PPP2CA: variants seen among roughly 807,000 people sequenced by gnomAD.
The protein encoded by PPP2CA is serine/threonine-protein phosphatase 2A catalytic subunit alpha isoform.
PPP2CA carries 5 observed loss-of-function variants against 38.8 expected under a neutral mutation model. That is an observed-to-expected ratio of 0.13 (90% confidence interval 0.07 to 0.27). PPP2CA has a LOEUF of 0.27. Ranked by LOEUF, PPP2CA falls within the 10% of genes least tolerant of loss-of-function variation. The probability of loss-of-function intolerance (pLI) is 1.00; values close to 1 mark genes in which losing one functional copy is unlikely to be tolerated. For missense variants in PPP2CA, 88 were observed against 389.7 expected (o/e 0.23, Z 6.52); for synonymous variants, 152 against 134.0 (o/e 1.13, Z -0.93).
rs923082223 is a variant in PPP2CA, at chr5:134,206,086, A to G, written c.148T>C (p.Cys50Arg). ...TKESNVQEVR[C>R]PVTVCGDVHG... ...ACATCTCCACAGACAGTAACTGGACATCGAACCTCTTGCACGTTGGATTCT... is the reference window on the plus strand; with the variant it reads ...ACATCTCCACAGACAGTAACTGGACGTCGAACCTCTTGCACGTTGGATTCT... The change falls in exon 2 of 7, where the codon TGT (cysteine) becomes CGT (arginine). Residue 50 changes from cysteine (C) to arginine (R), a missense_variant. Coordinates refer to ENST00000481195, the MANE Select transcript of PPP2CA (RefSeq NM_002715.4). 2 of 1,614,084 alleles carry G rather than the reference A, an allele frequency of 1.2e-6. No homozygotes were observed. Among genetic ancestry groups the G allele is most frequent in the Non-Finnish European group, 1.7e-6 (2 of 1,180,034 alleles).
chr5:134,206,122 T>C lies in PPP2CA; in HGVS notation c.112A>G (p.Ile38Val). The C allele has an allele frequency of 6.2e-7, 1 of 1,613,810 alleles. No homozygotes were observed. The highest frequency in any genetic ancestry group is 8.5e-7 in the Non-Finnish European group (1 of 1,179,694). ...VKSLCEKAKEILTKESNVQEV... is the reference protein window; with the variant it reads ...VKSLCEKAKEVLTKESNVQEV... ...TGCACGTTGGATTCTTTTGTCAGGATTTCTTTAGCCTACAGATGGGAGACA... is the reference window on the plus strand; with the variant it reads ...TGCACGTTGGATTCTTTTGTCAGGACTTCTTTAGCCTACAGATGGGAGACA... The change falls in exon 2 of 7, where the codon ATC (isoleucine) becomes GTC (valine). Residue 38 changes from isoleucine (I) to valine (V), a missense_variant. By Grantham distance (29) the Ile-to-Val change is conservative. This residue lies in a region of PPP2CA where 34 missense variants were observed against 57.1 expected (regional missense o/e 0.60). Coordinates refer to ENST00000481195, the MANE Select transcript of PPP2CA (RefSeq NM_002715.4).
In PPP2CA at chr5:134,196,425, G is replaced by T. The variant is rs574820619; in HGVS notation, c.*1347C>A. ...AAAGGGGAAAAACTCATTAAATGTT[G>T]AACACTGCCACTTTAAGTACCATTT... On this transcript the variant is annotated 3_prime_UTR_variant, in exon 7 of 7. Coordinates refer to ENST00000481195, the MANE Select transcript of PPP2CA (RefSeq NM_002715.4). 6.6e-6 allele frequency: 1 copy of T among 152,132 alleles called. No homozygotes were observed. The highest frequency in any genetic ancestry group is 2.1e-4 in the South Asian group (1 of 4,832). 9.4% of individuals were successfully genotyped at this position (152,132 alleles called of 1,614,324 possible).
chr5:134,213,746 G>A (rs973923171), intron 1 of PPP2CA, among the ~76,000 whole-genome samples: 2 of 149,592 alleles, frequency 1.3e-5, no homozygotes, highest in Non-Finnish European at 3.0e-5. Context: ...TGATGTCACT[G>A]TACTTCAGCC....
chr5:134,225,657 G>A (rs1044039682), intron 1 of PPP2CA, 103 bp downstream of exon 1: 44 of 1,029,404 alleles, frequency 4.3e-5, no homozygotes, highest in African/African-American at 5.0e-5. Context: ...GACTCGGGGG[G>A]CCCGGACCGG....
chr5:134,197,571 T>C lies in PPP2CA; in HGVS notation c.*201A>G, dbSNP rs1580634534. 3 of 537,198 alleles carry C rather than the reference T, an allele frequency of 5.6e-6. No individual in the cohort carries two copies. Among genetic ancestry groups the C allele is most frequent in the African/African-American group, 3.7e-5 (2 of 53,392 alleles). The allele number at this position is 537,198 out of a possible 1,614,324, so 33.3% of individuals were successfully genotyped here. A position where few individuals can be genotyped will look rare whatever the true frequency, so the allele number is the denominator to read the frequency against. The stretch of plus-strand genomic sequence containing the variant: ...CCAACAATGTCGCTTCAGCATGCAA[T>C]GAACTGGTTCATTCTAAAGTGGTCA... On this transcript the variant is annotated 3_prime_UTR_variant, in exon 7 of 7. Transcript: ENST00000481195.
chr5:134,205,057 T>A (rs1471704508), intron 2 of PPP2CA, among the ~76,000 whole-genome samples: 1 of 151,642 alleles, frequency 6.6e-6, no homozygotes, highest in African/African-American at 2.4e-5. Flanking sequence ...CACCTCAGCC[T>A]GAGTAGCTGG....
chr5:134,218,435 G>A (rs955931132), intron 1 of PPP2CA, among the ~76,000 whole-genome samples: 1 of 152,144 alleles, frequency 6.6e-6, no homozygotes, highest in African/African-American at 2.4e-5. Flanking sequence ...ATGCACAATA[G>A]ACTAAACTCA....
chr5:134,209,250 A>G (rs1481932921), intron 1 of PPP2CA, among the ~76,000 whole-genome samples: 1 of 146,886 alleles, frequency 6.8e-6, no homozygotes, highest in African/African-American at 2.5e-5. Context: ...GGTATACAGT[A>G]GAAGCAACCA....
intron 1 of PPP2CA, among the ~76,000 whole-genome samples, chr5:134,216,264 C>T (rs550175015): frequency 2.6e-5 from 4 of 152,034 alleles, no homozygotes; most frequent in South Asian, 4.2e-4. Flanking sequence ...CGGGTGGGCA[C>T]GGTGGATCAT....
rs879051050 is a variant in PPP2CA at position 134,194,553 on chromosome 5, A to G, written c.*3219T>C. 2 of 152,302 alleles carry G rather than the reference A, an allele frequency of 1.3e-5. No individual in the cohort carries two copies. The highest frequency in any genetic ancestry group is 6.5e-5 in the Admixed American group (1 of 15,272). 9.4% of individuals were successfully genotyped at this position (152,302 alleles called of 1,614,324 possible). ...ACATTTTAATTCCTTATCAACATCCATGAACCACCACCATGTATCCCAATT... is the reference window on the plus strand; with the variant it reads ...ACATTTTAATTCCTTATCAACATCCGTGAACCACCACCATGTATCCCAATT... On this transcript the variant is annotated 3_prime_UTR_variant, in exon 7 of 7. Coordinates refer to ENST00000481195, the MANE Select transcript of PPP2CA (RefSeq NM_002715.4).
chr5:134,223,891 CACT>C (rs779893567), intron 1 of PPP2CA, among the ~76,000 whole-genome samples: 30 of 152,286 alleles, frequency 2.0e-4, no homozygotes, highest in South Asian at 1.4e-3. Context: ...ATATTAAACA[CACT>C]ACTAATTTAA....
chr5:134,218,763 G>A (rs1762374179), intron 1 of PPP2CA, among the ~76,000 whole-genome samples: 1 of 151,860 alleles, frequency 6.6e-6, no homozygotes, highest in Admixed American at 6.6e-5. Flanking sequence ...CTGCCTGCTG[G>A]GTTCAAGCAA....
chr5:134,199,631 C>T (rs1441231814), intron 5 of PPP2CA, among the ~76,000 whole-genome samples: 1 of 152,134 alleles, frequency 6.6e-6, no homozygotes, highest in Admixed American at 6.5e-5. Context: ...AGACCAGAAC[C>T]TTACCAATTT....
intron 1 of PPP2CA, 91 bp downstream of exon 1, chr5:134,225,669 G>T: frequency 8.5e-7 from 1 of 1,181,386 alleles, no homozygotes; most frequent in Non-Finnish European, 1.2e-6. Context: ...CCGGACCGGC[G>T]GCCTCCGCCA....
intron 3 of PPP2CA, among the ~76,000 whole-genome samples, chr5:134,201,465 C>A (rs1761964906): frequency 6.6e-6 from 1 of 152,192 alleles, no homozygotes; most frequent in Admixed American, 6.5e-5. Context: ...GGATATCACT[C>A]CTGCCCTTTG....
At chr5:134,209,475 A>G (rs1762155557) in intron 1 of PPP2CA, among the ~76,000 whole-genome samples, 1 of 152,216 alleles carries the variant, frequency 6.6e-6, no homozygotes, top group Non-Finnish European at 1.5e-5. Context: ...AGATGTTCAT[A>G]TAAAAGATCA....
intron 5 of PPP2CA, among the ~76,000 whole-genome samples, 198 bp downstream of exon 5, chr5:134,200,137 T>C (rs1382008888): frequency 6.6e-6 from 1 of 152,256 alleles, no homozygotes; most frequent in African/African-American, 2.4e-5. Context: ...AACATGTTAA[T>C]GGATTCATTG....
At chr5:134,215,468 A>T (rs1762297562) in intron 1 of PPP2CA, among the ~76,000 whole-genome samples, 2 of 152,138 alleles carry the variant, frequency 1.3e-5, no homozygotes, top group Admixed American at 1.3e-4. Context: ...CCAGCTACTC[A>T]GGAGGCTGAG....
intron 1 of PPP2CA, among the ~76,000 whole-genome samples, chr5:134,223,585 A>G (rs1023243671): frequency 1.3e-5 from 2 of 152,218 alleles, no homozygotes; most frequent in African/African-American, 4.8e-5. Context: ...AATTTGCGTA[A>G]GCAGCGCAAG....
Sources: allele counts gnomAD v4.1 joint callset (sites outside exome capture counted in the v4.1 genomes callset), GRCh38; gene constraint gnomAD v4.1.1; regional missense constraint gnomAD v4.1.1; transcripts MANE v1.5; gene names NCBI Gene and HGNC (gene_info 2026-07-23, HGNC 2026-07-21).